The following NGFR variants were observed in gnomAD, a reference collection of about 807,000 sequenced individuals.
NGFR encodes the protein tumor necrosis factor receptor superfamily member 16.
A neutral mutation model predicts 43.2 loss-of-function variants in NGFR; 30 were observed. That is an observed-to-expected ratio of 0.69 (90% CI 0.52 to 0.94). NGFR has a LOEUF of 0.94. Among genes scored for constraint, NGFR ranks in the 40% least tolerant of loss-of-function variants. The pLI, the probability that NGFR is intolerant of heterozygous loss-of-function variation, is 0.00. For missense variants in NGFR, 529 were observed against 602.5 expected, an observed-to-expected ratio of 0.88 and a Z score of 1.28; for synonymous variants, 246 against 259.6, an observed-to-expected ratio of 0.95 and a Z score of 0.50.
At chr17:49,502,770 G>T (rs1188416938) in intron 2 of NGFR, among the ~76,000 whole-genome samples, 1 of 152,056 alleles carries the variant, frequency 6.6e-6, no homozygotes, top group African/African-American at 2.4e-5. Flanking sequence ...TGGGGTGACA[G>T]AGGGGAGGGG....
intron 2 of NGFR, among the ~76,000 whole-genome samples, chr17:49,502,517 G>A (rs1358567004): frequency 6.6e-6 from 1 of 152,150 alleles, no homozygotes; most frequent in Non-Finnish European, 1.5e-5. Context: ...AGTAGCTGAT[G>A]CTAAGACCAG....
rs11466159 is a variant in NGFR, at chr17:49,511,653, G to C, written c.822-239G>C. Among the ~76,000 whole-genome samples the C allele has an allele frequency of 2.7e-3, 413 of 152,058 alleles. 1 individual carries two copies. The highest frequency in any genetic ancestry group is 9.5e-3 in the African/African-American group (393 of 41,474). ...GAGGAGTTCCTGAGCAGTCACTTTT[G>C]CTGCACTGCTCATTCCAGGAACATT... On this transcript the variant is annotated intron_variant, in intron 4 of 5. Coordinates refer to ENST00000172229, the MANE Select transcript of NGFR (RefSeq NM_002507.4).
intron 1 of NGFR, among the ~76,000 whole-genome samples, chr17:49,498,797 A>G (rs1336903975): frequency 6.6e-6 from 1 of 152,186 alleles, no homozygotes; most frequent in Non-Finnish European, 1.5e-5. Context: ...TTTATCTGTC[A>G]TCCCTATAAA....
intron 3 of NGFR, among the ~76,000 whole-genome samples, chr17:49,508,778 A>G (rs901177031): frequency 1.3e-5 from 2 of 152,004 alleles, no homozygotes; most frequent in African/African-American, 4.8e-5. Flanking sequence ...GGGATTGGAG[A>G]GATGAGGGCA....
At chr17:49,510,250 T>A (rs1041008500) in intron 3 of NGFR, among the ~76,000 whole-genome samples, 162 bp from the exon 4 acceptor site, 1 of 152,198 alleles carries the variant, frequency 6.6e-6, no homozygotes, top group Non-Finnish European at 1.5e-5. Flanking sequence ...CCTTGCTCTT[T>A]AGCATCATGA....
intron 1 of NGFR, 45 bp from the exon 2 acceptor site, chr17:49,502,018 C>CCCCCCCCAT: frequency 2.3e-6 from 3 of 1,320,360 alleles, no homozygotes; most frequent in East Asian, 5.4e-5. Flanking sequence ...CAACCCACCC[C>CCCCCCCCAT]AGCTTTCTCT....
Position 49,514,192 on chromosome 17 carries a change from C to T in NGFR, c.*1183C>T, listed in dbSNP as rs11466167. 2,363 of 157,464 alleles carry T rather than the reference C, an allele frequency of 0.015. 77 individuals are homozygous for T. The highest frequency in any genetic ancestry group is 0.052 in the African/African-American group (2,183 of 41,664). The allele number at this position is 157,464 out of a possible 1,614,324, so 9.8% of individuals were successfully genotyped here. The stretch of plus-strand genomic sequence containing the variant: ...AGGTCTGCTCGGCCGTCTTCACTCG[C>T]CCCCGGGTTTGGCGGGCCAAGGACT... On this transcript the variant is annotated 3_prime_UTR_variant, in exon 6 of 6. Transcript: ENST00000172229.
At chr17:49,502,016 C>T (rs2071169509) in intron 1 of NGFR, 47 bp from the exon 2 acceptor site, 2 of 1,281,022 alleles carry the variant, frequency 1.6e-6, no homozygotes, top group Non-Finnish European at 2.1e-6. Flanking sequence ...CCCAACCCAC[C>T]CCAGCTTTCT....
intron 1 of NGFR, chr17:49,497,109 C>T (rs1192097395): frequency 6.6e-6 from 1 of 152,268 alleles, no homozygotes; most frequent in African/African-American, 2.4e-5. Flanking sequence ...TACTCCCCCA[C>T]CTTTTCAGGG....
At chr17:49,507,733 C>G (rs145824242) in intron 3 of NGFR, among the ~76,000 whole-genome samples, 2 of 152,060 alleles carry the variant, frequency 1.3e-5, no homozygotes, top group African/African-American at 4.8e-5. Flanking sequence ...AACCTGCATC[C>G]TCAGGTTGCC....
chr17:49,495,509 C>T lies in NGFR; in HGVS notation c.66+26C>T. The T allele has an allele frequency of 4.9e-6, 6 of 1,232,276 alleles. No individual in the cohort carries two copies. The highest frequency in any genetic ancestry group is 6.1e-6 in the Non-Finnish European group (6 of 985,464). The allele number at this position is 1,232,276 out of a possible 1,614,324, so 76.3% of individuals were successfully genotyped here. A position where few individuals can be genotyped will look rare whatever the true frequency, so the allele number is the denominator to read the frequency against. On this transcript the variant is annotated intron_variant, in intron 1 of 5. Coordinates refer to ENST00000172229, the MANE Select transcript of NGFR (RefSeq NM_002507.4). This position sits in a 1 kb window ranked among gnomAD's most constrained non-coding sequence, Gnocchi z 6.4. ...GTGAGTGTTAGCCGGAGGGGGCCCG[C>T]TCCCTTTCCCGGGATCAGAACTCCG...
chr17:49,510,942 G>T (rs541439357), intron 4 of NGFR: 2 of 463,310 alleles, frequency 4.3e-6, no homozygotes, highest in African/African-American at 2.0e-5. Flanking sequence ...ACCCCCAACT[G>T]CTTGTGTCCT....
At position 49,513,018 on chromosome 17, in the gene NGFR, G is replaced by T; in HGVS notation, c.*9G>T. ...CCACATCCCCGGTGTGAGCCCAACC[G>T]GGGAGCCCCCGCCCCGCCCCACATT... is the stretch of plus-strand genomic sequence containing the variant. On this transcript the variant is annotated 3_prime_UTR_variant, in exon 6 of 6. Coordinates refer to ENST00000172229, the MANE Select transcript of NGFR (RefSeq NM_002507.4). 6.6e-7 allele frequency: 1 copy of T among 1,525,156 alleles called. No homozygotes were observed. Among genetic ancestry groups the T allele is most frequent in the South Asian group, 1.2e-5 (1 of 80,266 alleles). 94.5% of individuals were successfully genotyped at this position (1,525,156 alleles called of 1,614,324 possible).
At chr17:49,499,822 C>T (rs183455660) in intron 1 of NGFR, among the ~76,000 whole-genome samples, 194 of 152,206 alleles carry the variant, frequency 1.3e-3, no homozygotes, top group African/African-American at 4.5e-3. Context: ...CTCCTGACCT[C>T]GTGATCTGCC....
chr17:49,512,138 C>CGG lies in NGFR; in HGVS notation c.982+92_982+93dup. On this transcript the variant is annotated intron_variant, in intron 5 of 5. Transcript: ENST00000172229. This position sits in a 1 kb window ranked among gnomAD's most constrained non-coding sequence, Gnocchi z 5.2. ...AAGATTAGACTCCAGGAAGGACTGTCGGGGGGGCGGCAGGGCTGGCTCAGC... is the reference window on the plus strand; with the variant it reads ...AAGATTAGACTCCAGGAAGGACTGTCGGGGGGGGGCGGCAGGGCTGGCTCAGC... The CGG allele has an allele frequency of 6.8e-7, 1 of 1,479,500 alleles. No homozygotes were observed. Among genetic ancestry groups the CGG allele is most frequent in the Admixed American group, 2.2e-5 (1 of 46,276 alleles). 91.6% of individuals were successfully genotyped at this position (1,479,500 alleles called of 1,614,324 possible).
chr17:49,502,000 A>AGGGGCCCCCCC, intron 1 of NGFR, 63 bp from the exon 2 acceptor site: 1 of 264,884 alleles, frequency 3.8e-6, no homozygotes, highest in Non-Finnish European at 7.9e-6. Context: ...CCCCGGAAGA[A>AGGGGCCCCCCC]CCCCCCCCAA....
Position 49,499,887 on chromosome 17 carries a change from G to A in NGFR, c.67-2176G>A, listed in dbSNP as rs2671638. Among the ~76,000 whole-genome samples, 143 of 152,124 alleles carry A rather than the reference G, an allele frequency of 9.4e-4. 1 individual carries two copies. The highest frequency in any genetic ancestry group is 3.3e-3 in the African/African-American group (137 of 41,496). On this transcript the variant is annotated intron_variant, in intron 1 of 5. Coordinates refer to ENST00000172229, the MANE Select transcript of NGFR (RefSeq NM_002507.4). ...CAGGCGTAAGCCACCACGCCCGGCC[G>A]GCACATGCCTTTCTACCAAGGCGAG... is the stretch of plus-strand genomic sequence containing the variant.
At chr17:49,501,999 A>ATGGGGCCCCCCCCCCCCCCCCCC in intron 1 of NGFR, 64 bp from the exon 2 acceptor site, 1 of 330,984 alleles carries the variant, frequency 3.0e-6, no homozygotes, top group African/African-American at 2.2e-5. Context: ...TCCCCGGAAG[A>ATGGGGCCCCCCCCCCCCCCCCCC]ACCCCCCCCA....
At chr17:49,497,096 C>T (rs757221873) in intron 1 of NGFR, 2 of 152,372 alleles carry the variant, frequency 1.3e-5, no homozygotes, top group East Asian at 3.9e-4. Context: ...ATTCCCAGCT[C>T]GGTACTCCCC....
Sources: gnomAD v4.1 joint callset for allele counts (sites outside exome capture counted in the v4.1 genomes callset) on GRCh38, gnomAD v4.1.1 for gene constraint, Gnocchi (gnomAD v3.1) non-coding constraint, MANE v1.5 for transcripts, NCBI Gene and HGNC (gene_info 2026-07-23, HGNC 2026-07-21) for gene names.